TTC39B: variants seen among roughly 807,000 people sequenced by gnomAD.
The protein encoded by TTC39B is tetratricopeptide repeat protein 39B.
Under a neutral mutation model 96.6 loss-of-function variants are expected in TTC39B, and 92 were observed. The ratio of observed to expected loss-of-function variants is 0.95; its 90% CI spans 0.80 to 1.13. TTC39B has a LOEUF of 1.13. Ranked by LOEUF, TTC39B falls within the 50% of genes most tolerant of loss-of-function variation. The pLI is 0.00. For missense variants in TTC39B, 955 were observed against 809.3 expected (o/e 1.18, Z -2.18); for synonymous variants, 367 against 299.4 (o/e 1.23, Z -2.33).
chr9:15,167,028 A>ATTTTT (rs549150155), exon 20 of TTC39B: 7 of 11,034 alleles, frequency 6.3e-4, no homozygotes, highest in Admixed American at 2.5e-3. Context: ...ATATATATAT[A>ATTTTT]TTTTTTTTTT....
At chr9:15,205,184 C>G (rs2131324869) in intron 6 of TTC39B, among the ~76,000 whole-genome samples, 1 of 152,280 alleles carries the variant, frequency 6.6e-6, no homozygotes, top group Non-Finnish European at 1.5e-5. Flanking sequence ...GCTCATGATA[C>G]AGAGTAAGCA....
At chr9:15,253,693 G>A (rs1454462397) in intron 2 of TTC39B, among the ~76,000 whole-genome samples, 3 of 151,792 alleles carry the variant, frequency 2.0e-5, no homozygotes, top group African/African-American at 7.3e-5. Flanking sequence ...TTCTGGGTCT[G>A]TTTGCAGTGT....
chr9:15,167,006 A>T lies in TTC39B; in HGVS notation c.*5013T>A, dbSNP rs1487470835. On this transcript the variant is annotated 3_prime_UTR_variant, in exon 20 of 20. Transcript: ENST00000512701. ...TTTATATATATATATATATATATAT[A>T]TATATATATATATATATATATATTT... 8 of 5,716 alleles carry T rather than the reference A, an allele frequency of 1.4e-3. 1 individual carries two copies. The highest frequency in any genetic ancestry group is 6.8e-3 in the South Asian group (1 of 148). 0.4% of individuals were successfully genotyped at this position (5,716 alleles called of 1,614,324 possible).
At chr9:15,203,723 T>C in intron 7 of TTC39B, 100 bp downstream of exon 7, 1 of 959,988 alleles carries the variant, frequency 1.0e-6, no homozygotes, top group Non-Finnish European at 1.5e-6. Flanking sequence ...CAACTCTAAG[T>C]CAAAAGAACT....
At chr9:15,164,345 T>C (rs1260758631) in exon 20 of TTC39B, 1 of 152,222 alleles carries the variant, frequency 6.6e-6, no homozygotes, top group Non-Finnish European at 1.5e-5. Context: ...CACATTAGTT[T>C]ACAAAGTGCT....
intron 15 of TTC39B, among the ~76,000 whole-genome samples, chr9:15,186,411 C>A (rs1388876625): frequency 6.6e-6 from 1 of 152,118 alleles, no homozygotes; most frequent in Non-Finnish European, 1.5e-5. Flanking sequence ...TGTTAGAACT[C>A]TCATTATCCC....
At chr9:15,296,670 T>A (rs946955218) in intron 1 of TTC39B, among the ~76,000 whole-genome samples, 10 of 152,318 alleles carry the variant, frequency 6.6e-5, no homozygotes, top group African/African-American at 1.9e-4. Flanking sequence ...AATTTTTGTA[T>A]TTTTAATAGA....
At chr9:15,275,466 T>C (rs1823506887) in intron 1 of TTC39B, among the ~76,000 whole-genome samples, 1 of 152,214 alleles carries the variant, frequency 6.6e-6, no homozygotes, top group Non-Finnish European at 1.5e-5. Flanking sequence ...ACTGGGGATA[T>C]GGAGTAACGG....
chr9:15,242,076 C>T (rs1440301917), intron 2 of TTC39B, among the ~76,000 whole-genome samples: 1 of 151,702 alleles, frequency 6.6e-6, no homozygotes, highest in Non-Finnish European at 1.5e-5. Flanking sequence ...ATATAATTAT[C>T]TCTTAATCAG....
chr9:15,195,032 C>T (rs181190808), intron 8 of TTC39B, among the ~76,000 whole-genome samples: 10 of 152,224 alleles, frequency 6.6e-5, no homozygotes, highest in African/African-American at 1.9e-4. Flanking sequence ...GTGAGGAAGG[C>T]ATGTCAAAAG....
At chr9:15,295,053 T>C (rs1453238126) in intron 1 of TTC39B, among the ~76,000 whole-genome samples, 1 of 152,194 alleles carries the variant, frequency 6.6e-6, no homozygotes, top group Non-Finnish European at 1.5e-5. Context: ...TTTCTATTTT[T>C]CCTATTTTTT....
intron 1 of TTC39B, among the ~76,000 whole-genome samples, chr9:15,273,759 T>C (rs1457944480): frequency 6.6e-6 from 1 of 152,138 alleles, no homozygotes; most frequent in African/African-American, 2.4e-5. Flanking sequence ...GTGTGTTTGG[T>C]ATCATGGACT....
chr9:15,182,468 C>T (rs1170177781), intron 16 of TTC39B, 53 bp from the exon 17 acceptor site: 1 of 1,201,214 alleles, frequency 8.3e-7, no homozygotes, highest in Non-Finnish European at 1.2e-6. Flanking sequence ...ATTCAATGTC[C>T]TTTATGATCC....
intron 1 of TTC39B, among the ~76,000 whole-genome samples, chr9:15,303,345 A>G (rs1444347227): frequency 1.3e-5 from 2 of 152,158 alleles, no homozygotes; most frequent in African/African-American, 2.4e-5. Flanking sequence ...CAGCAAAAGT[A>G]AAACTATTGA....
chr9:15,196,558 G>A (rs900492109), intron 8 of TTC39B, among the ~76,000 whole-genome samples: 1 of 152,206 alleles, frequency 6.6e-6, no homozygotes, highest in Non-Finnish European at 1.5e-5. Flanking sequence ...AATTAGAAGT[G>A]GAGCCTGAAG....
Position 15,174,641 on chromosome 9 carries a change from C to G in TTC39B, c.1958+378G>C, listed in dbSNP as rs1354930154. Reference sequence around the variant, plus strand: ...ACATACCCATCTGTTTACATATTACCTTCTATGACTTCTTTTGATATAATG... The same window carrying G: ...ACATACCCATCTGTTTACATATTACGTTCTATGACTTCTTTTGATATAATG... On this transcript the variant is annotated intron_variant, in intron 19 of 19. Transcript: ENST00000512701. Among the ~76,000 whole-genome samples the G allele has an allele frequency of 2.0e-5, 3 of 152,304 alleles. No individual in the cohort carries two copies. The East Asian group carries it at 5.8e-4, about 29-fold the overall frequency.
chr9:15,173,920 C>G (rs1382593384), intron 19 of TTC39B, among the ~76,000 whole-genome samples: 1 of 152,106 alleles, frequency 6.6e-6, no homozygotes, highest in Admixed American at 6.6e-5. Context: ...CCCAGCACAG[C>G]AGAAAGCATC....
intron 3 of TTC39B, among the ~76,000 whole-genome samples, chr9:15,218,062 G>C (rs1173903149): frequency 6.6e-6 from 1 of 151,640 alleles, no homozygotes; most frequent in Non-Finnish European, 1.5e-5. Context: ...ACAAAAATTA[G>C]CTGGGCATGG....
Position 15,182,375 on chromosome 9 carries a change from T to C in TTC39B, c.1655A>G (p.Lys552Arg), listed in dbSNP as rs1280034434. The C allele has an allele frequency of 1.9e-6, 3 of 1,611,932 alleles. No individual in the cohort carries two copies. The highest frequency in any genetic ancestry group is 2.2e-5 in the East Asian group (1 of 44,788). The change falls in exon 17 of 20, where the codon AAA becomes AGA. Residue 552 changes from lysine to arginine, a missense_variant. Physicochemically the swap from Lys to Arg is conservative, Grantham distance 26 (BLOSUM62 2). Transcript: ENST00000512701. ...CAGATTTTCAGAAAGGTCTTTTCTTTTGCTCACTATTGAAAAACCATTCCA... is the reference window on the plus strand; with the variant it reads ...CAGATTTTCAGAAAGGTCTTTTCTTCTGCTCACTATTGAAAAACCATTCCA...
Sources: gnomAD v4.1 joint callset for allele counts (sites outside exome capture counted in the v4.1 genomes callset) on GRCh38, gnomAD v4.1.1 for gene constraint, MANE v1.5 for transcripts, NCBI Gene and HGNC (gene_info 2026-07-23, HGNC 2026-07-21) for gene names.